The following PDE2A variants were observed in gnomAD, a reference collection of about 807,000 sequenced individuals.
The protein encoded by PDE2A is phosphodiesterase 2A.
A neutral mutation model predicts 133.6 loss-of-function variants in PDE2A; 53 were observed. That is an observed-to-expected ratio of 0.40 (90% CI 0.32 to 0.50). The LOEUF (loss-of-function observed/expected upper bound fraction) is 0.50, where lower values mean the gene tolerates loss of function less well. Among genes scored for constraint, PDE2A ranks in the 20% least tolerant of loss-of-function variants. PDE2A has a pLI of 0.73. For missense variants in PDE2A, 796 were observed against 1,232.4 expected, an observed-to-expected ratio of 0.65 and a Z score of 5.30; for synonymous variants, 491 against 490.2, an observed-to-expected ratio of 1.00 and a Z score of -0.02.
intron 2 of PDE2A, among the ~76,000 whole-genome samples, chr11:72,612,762 G>A (rs1191328858): frequency 6.6e-6 from 1 of 151,990 alleles, no homozygotes; most frequent in Non-Finnish European, 1.5e-5. Context: ...GAGCCTTTCT[G>A]CTCTCTCCAG....
At chr11:72,653,365 A>C (rs1591131998) in intron 1 of PDE2A, among the ~76,000 whole-genome samples, 1 of 152,218 alleles carries the variant, frequency 6.6e-6, no homozygotes, top group Non-Finnish European at 1.5e-5. Flanking sequence ...ATCAGACAGC[A>C]AGAGAGATTC....
Position 72,590,120 on chromosome 11 carries a change from G to A in PDE2A, c.756+72C>T. 7.0e-7 allele frequency: 1 copy of A among 1,428,224 alleles called. No homozygotes were observed. The highest frequency in any genetic ancestry group is 9.6e-7 in the Non-Finnish European group (1 of 1,040,106). 88.5% of individuals were successfully genotyped at this position (1,428,224 alleles called of 1,614,324 possible). On this transcript the variant is annotated intron_variant, in intron 9 of 30. Coordinates refer to ENST00000334456, the MANE Select transcript of PDE2A (RefSeq NM_002599.5). The surrounding 1 kb of genome is among the most constrained non-coding windows in gnomAD (Gnocchi z 4.8). ...ACATCGTAATTGGAACTGAGATGGA[G>A]GGCTCAAGGGGAAGTTGGTCCCCGG...
intron 1 of PDE2A, among the ~76,000 whole-genome samples, chr11:72,646,222 T>C (rs946419616): frequency 6.6e-6 from 1 of 152,202 alleles, no homozygotes; most frequent in Admixed American, 6.5e-5. Context: ...CTGGAAAAGG[T>C]GACTCAGCTG....
In PDE2A at chr11:72,674,190, G is replaced by A; in HGVS notation, c.18C>T (p.Gly6=). The change falls in exon 1 of 31, where the codon GGC becomes GGT. Residue 6 remains glycine (G), a synonymous_variant. Coordinates refer to ENST00000334456, the MANE Select transcript of PDE2A (RefSeq NM_002599.5). MGQAC[G]HSILCRSQQY... ...GCTGGCTCCTGCAGAGGATGGAGTG[G>A]CCGCATGCCTGCCCCATCACTCCTC... is the stretch of plus-strand genomic sequence containing the variant. 2 of 1,611,456 alleles carry A rather than the reference G, an allele frequency of 1.2e-6. No individual in the cohort carries two copies. Among genetic ancestry groups the A allele is most frequent in the Non-Finnish European group, 1.7e-6 (2 of 1,179,764 alleles).
rs1196985822 is a variant in PDE2A at position 72,642,245 on chromosome 11, C to A, written c.144+9G>T. 5 of 1,503,588 alleles carry A rather than the reference C, an allele frequency of 3.3e-6. No individual in the cohort carries two copies. Among genetic ancestry groups the A allele is most frequent in the South Asian group, 1.3e-5 (1 of 76,462 alleles). The allele number at this position is 1,503,588 out of a possible 1,614,324, so 93.1% of individuals were successfully genotyped here. A position where few individuals can be genotyped will look rare whatever the true frequency, so the allele number is the denominator to read the frequency against. On this transcript the variant is annotated intron_variant, in intron 2 of 30. Coordinates refer to ENST00000334456, the MANE Select transcript of PDE2A (RefSeq NM_002599.5). ...GTTCTCCTGGTGCCCAGCGCGGGGG[C>A]CCCCCTACCTGCAGGCTGTCGGCGC... is the stretch of plus-strand genomic sequence containing the variant.
rs1857072153 is a variant in PDE2A, at chr11:72,608,644, G to A, written c.234+18C>T. ...TTGGGGGTGGGGTGGGAAGCGTGGGGCAAGGGCGGGCACCTACCACTCGGG... is the reference window on the plus strand; with the variant it reads ...TTGGGGGTGGGGTGGGAAGCGTGGGACAAGGGCGGGCACCTACCACTCGGG... On this transcript the variant is annotated intron_variant, in intron 3 of 30. Coordinates refer to ENST00000334456, the MANE Select transcript of PDE2A (RefSeq NM_002599.5). 4 of 1,344,566 alleles carry A rather than the reference G, an allele frequency of 3.0e-6. No homozygotes were observed. The highest frequency in any genetic ancestry group is 3.1e-6 in the Non-Finnish European group (3 of 954,626). 83.3% of individuals were successfully genotyped at this position (1,344,566 alleles called of 1,614,324 possible).
In PDE2A at chr11:72,597,240, C is replaced by T. The variant is rs2060687587; in HGVS notation, c.433+270G>A. Among the ~76,000 whole-genome samples, 2 of 152,336 alleles carry T rather than the reference C, an allele frequency of 1.3e-5. No individual in the cohort carries two copies. The highest frequency in any genetic ancestry group is 2.9e-5 in the Non-Finnish European group (2 of 68,036). On this transcript the variant is annotated intron_variant, in intron 5 of 30. Transcript: ENST00000334456. This position sits in a 1 kb window ranked among gnomAD's most constrained non-coding sequence, Gnocchi z 4.6. ...CCACTGAGCCCTCGCTTGTGCCAGG[C>T]CCCTAACATGCATGATCTCACTTGC...
intron 1 of PDE2A, among the ~76,000 whole-genome samples, chr11:72,644,604 C>T (rs915623260): frequency 6.2e-4 from 95 of 152,356 alleles, no homozygotes; most frequent in African/African-American, 2.2e-3. Flanking sequence ...ACTTGTTCTT[C>T]AGGGGAGGCC....
At position 72,586,067 on chromosome 11, in the gene PDE2A, C is replaced by T. The variant is rs77090512; in HGVS notation, c.1182+3G>A. Reference sequence around the variant, plus strand: ...CGAGAGAGGCTGAAGGCAGGTCACTCACCTGGCACTCACACTTGAGTTTCT... The same window carrying T: ...CGAGAGAGGCTGAAGGCAGGTCACTTACCTGGCACTCACACTTGAGTTTCT... On this transcript the variant is annotated splice_donor_region_variant and intron_variant, in intron 14 of 30. Coordinates refer to ENST00000334456, the MANE Select transcript of PDE2A (RefSeq NM_002599.5). 1,535 of 1,571,964 alleles carry T rather than the reference C, an allele frequency of 9.8e-4. 10 individuals are homozygous for T. The African/African-American group carries it at 0.018, about 19-fold the overall frequency.
intron 1 of PDE2A, among the ~76,000 whole-genome samples, chr11:72,663,578 A>T (rs551280898): frequency 6.6e-6 from 1 of 152,114 alleles, no homozygotes; most frequent in Admixed American, 6.5e-5. Flanking sequence ...AAAGTACAAA[A>T]ATTAGCCAGG....
intron 2 of PDE2A, among the ~76,000 whole-genome samples, chr11:72,612,284 C>G (rs1166999102): frequency 1.6e-5 from 1 of 63,590 alleles, no homozygotes; most frequent in Non-Finnish European, 2.9e-5. Flanking sequence ...TCCACACACA[C>G]ACACACACAC....
At position 72,661,778 on chromosome 11, in the gene PDE2A, G is replaced by GTA. The variant is rs1289193079; in HGVS notation, c.71+12358_71+12359insTA. On this transcript the variant is annotated intron_variant, in intron 1 of 30. Transcript: ENST00000334456. ...GCATCTGTGTATACTTCAAGTGCAA[G>GTA]TGCTTCCCTGCGATGCGCCACACAT... Among the ~76,000 whole-genome samples the GTA allele has an allele frequency of 2.6e-5, 4 of 152,230 alleles. No homozygotes were observed. The East Asian group carries it at 7.7e-4, about 29-fold the overall frequency.
At chr11:72,648,414 T>C (rs1174189278) in intron 1 of PDE2A, among the ~76,000 whole-genome samples, 1 of 151,988 alleles carries the variant, frequency 6.6e-6, no homozygotes, top group Non-Finnish European at 1.5e-5. Flanking sequence ...CTGGGGACAA[T>C]GTGAATTTCA....
intron 1 of PDE2A, among the ~76,000 whole-genome samples, chr11:72,647,723 G>A (rs1291613697): frequency 6.6e-6 from 1 of 152,232 alleles, no homozygotes; most frequent in Non-Finnish European, 1.5e-5. Context: ...CCTGGAGTGG[G>A]CACAGGTGTT....
chr11:72,668,327 CCT>C (rs1180866655), intron 1 of PDE2A: 2 of 718,762 alleles, frequency 2.8e-6, no homozygotes, highest in South Asian at 3.0e-5. Context: ...CCTCCTGGAT[CCT>C]CTGTTTCTTC....
At chr11:72,580,277 T>C (rs1397928465) in intron 25 of PDE2A, among the ~76,000 whole-genome samples, 1 of 152,030 alleles carries the variant, frequency 6.6e-6, no homozygotes, top group African/African-American at 2.4e-5. Context: ...AACCAAACAA[T>C]CTAAGGTGAC....
intron 1 of PDE2A, among the ~76,000 whole-genome samples, chr11:72,670,461 C>T (rs566246396): frequency 4.6e-5 from 7 of 152,264 alleles, no homozygotes; most frequent in East Asian, 3.9e-4. Context: ...TCCAATTCCC[C>T]CTCTTGTCCT....
intron 1 of PDE2A, 73 bp from the exon 2 acceptor site, chr11:72,642,399 G>C: frequency 3.1e-6 from 4 of 1,282,512 alleles, no homozygotes; most frequent in Non-Finnish European, 4.0e-6. Context: ...CCGCCCGCCC[G>C]CCGGCCCGGC....
intron 1 of PDE2A, chr11:72,659,244 G>A (rs1854984221): frequency 6.7e-6 from 1 of 149,926 alleles, no homozygotes; most frequent in Non-Finnish European, 1.5e-5. Context: ...TGCCCTCACA[G>A]AGTTTACAAT....
Sources: allele counts gnomAD v4.1 joint callset (sites outside exome capture counted in the v4.1 genomes callset), GRCh38; gene constraint gnomAD v4.1.1; non-coding constraint Gnocchi (gnomAD v3.1); transcripts MANE v1.5; gene names NCBI Gene and HGNC (gene_info 2026-07-23, HGNC 2026-07-21).